Variants in SLC24A2 observed in about 807,000 individuals in gnomAD.
SLC24A2 encodes sodium/potassium/calcium exchanger 2.
In SLC24A2, 36 loss-of-function variants were observed where a neutral mutation model predicts 62.0. That is an observed-to-expected ratio of 0.58 (90% CI 0.44 to 0.77). The LOEUF (loss-of-function observed/expected upper bound fraction) is 0.77. SLC24A2 is among the 30% of genes least tolerant of loss of function. The pLI is 0.00. For missense variants in SLC24A2, 846 were observed against 817.9 expected (o/e 1.03, Z -0.42); for synonymous variants, 358 against 294.0 (o/e 1.22, Z -2.23).
At chr9:19,941,747 G>A in the SLC24A2 span, among the ~76,000 whole-genome samples, 1 of 152,072 alleles carries the variant, frequency 6.6e-6, no homozygotes, top group Admixed American at 6.6e-5. Flanking sequence ...AATTACTAGA[G>A]ATATTGTAAA....
At chr9:19,893,213 A>T in the SLC24A2 span, among the ~76,000 whole-genome samples, 495 of 152,134 alleles carry the variant, frequency 3.3e-3, 2 homozygotes, top group African/African-American at 8.9e-3. Flanking sequence ...AAGATATGAG[A>T]TTGCTTTTAC....
At chr9:19,727,155 T>C (rs1264752123) in intron 2 of SLC24A2, among the ~76,000 whole-genome samples, 1 of 152,172 alleles carries the variant, frequency 6.6e-6, no homozygotes, top group Non-Finnish European at 1.5e-5. Context: ...CCTAGGTTCT[T>C]CCTATCAAGC....
At chr9:19,939,257 T>G in the SLC24A2 span, among the ~76,000 whole-genome samples, 1 of 152,240 alleles carries the variant, frequency 6.6e-6, no homozygotes, top group Admixed American at 6.5e-5. Flanking sequence ...CTTAGGTGAT[T>G]TCATCATTGT....
chr9:19,558,576 C>G (rs1835224347), intron 7 of SLC24A2, among the ~76,000 whole-genome samples: 1 of 152,130 alleles, frequency 6.6e-6, no homozygotes, highest in Admixed American at 6.6e-5. Flanking sequence ...CTGGGGGACA[C>G]TGTAGAAGAT....
chr9:19,885,361 A>T, the SLC24A2 span, among the ~76,000 whole-genome samples: 1 of 152,186 alleles, frequency 6.6e-6, no homozygotes, highest in African/African-American at 2.4e-5. Flanking sequence ...AGAGAGAAAC[A>T]CTAGATGTTC....
the SLC24A2 span, among the ~76,000 whole-genome samples, chr9:20,049,477 T>G: frequency 6.6e-6 from 1 of 152,134 alleles, no homozygotes. Flanking sequence ...CCACAGTCAC[T>G]ATAGTAGGTG....
chr9:20,265,464 G>C, the SLC24A2 span, among the ~76,000 whole-genome samples: 100,449 of 152,112 alleles, frequency 0.66, 35,816 homozygotes, highest in East Asian at 0.96. Context: ...ACTGTAATCT[G>C]TGAACATAAA....
chr9:20,190,827 T>A, the SLC24A2 span, among the ~76,000 whole-genome samples: 1 of 152,224 alleles, frequency 6.6e-6, no homozygotes, highest in Non-Finnish European at 1.5e-5. Context: ...AGTGTTTTCA[T>A]CTTTAAAAAG....
At chr9:19,668,215 A>G (rs1819313117) in intron 2 of SLC24A2, among the ~76,000 whole-genome samples, 1 of 152,112 alleles carries the variant, frequency 6.6e-6, no homozygotes, top group Non-Finnish European at 1.5e-5. Context: ...ATCCCCCAAT[A>G]TATTTTATTT....
chr9:19,859,254 A>G, the SLC24A2 span, among the ~76,000 whole-genome samples: 81 of 152,276 alleles, frequency 5.3e-4, no homozygotes, highest in African/African-American at 1.6e-3. Context: ...GAACAGAAAA[A>G]TAAATACTGA....
chr9:19,815,253 G>C, the SLC24A2 span, among the ~76,000 whole-genome samples: 1 of 151,928 alleles, frequency 6.6e-6, no homozygotes, highest in Non-Finnish European at 1.5e-5. Flanking sequence ...GAGGTCTTTG[G>C]GATTCTCCTG....
chr9:19,552,315 GAAT>G (rs1299809726), intron 7 of SLC24A2, among the ~76,000 whole-genome samples: 2 of 152,138 alleles, frequency 1.3e-5, no homozygotes, highest in Admixed American at 1.3e-4. Flanking sequence ...CTAGCTACGT[GAAT>G]AATCTTTGTG....
intron 8 of SLC24A2, among the ~76,000 whole-genome samples, chr9:19,547,093 C>CT (rs1313335465): frequency 2.0e-5 from 3 of 152,188 alleles, no homozygotes; most frequent in Non-Finnish European, 1.5e-5. Flanking sequence ...GCAACCCTGT[C>CT]TTTATGTCTC....
chr9:19,670,388 A>C (rs1291455503), intron 2 of SLC24A2, among the ~76,000 whole-genome samples: 1 of 152,192 alleles, frequency 6.6e-6, no homozygotes, highest in African/African-American at 2.4e-5. Flanking sequence ...TCTTACAAAA[A>C]TCAACTCTAC....
the SLC24A2 span, among the ~76,000 whole-genome samples, chr9:20,151,581 C>T: frequency 6.6e-6 from 1 of 151,868 alleles, no homozygotes; most frequent in Non-Finnish European, 1.5e-5. Context: ...AAAAGGCATG[C>T]ATCACTCTAC....
chr9:19,750,184 G>A, intron 2 of SLC24A2, among the ~76,000 whole-genome samples: 1 of 152,102 alleles, frequency 6.6e-6, no homozygotes, highest in East Asian at 1.9e-4. Context: ...TTTTAACTGA[G>A]GTCCAGAATA....
chr9:20,211,461 G>A, the SLC24A2 span, among the ~76,000 whole-genome samples: 1 of 152,140 alleles, frequency 6.6e-6, no homozygotes, highest in African/African-American at 2.4e-5. Flanking sequence ...GCCGTGAGCT[G>A]AGATCACACC....
At chr9:20,059,408 C>G in the SLC24A2 span, among the ~76,000 whole-genome samples, 4 of 152,112 alleles carry the variant, frequency 2.6e-5, no homozygotes, top group African/African-American at 9.7e-5. Flanking sequence ...AACCATAAAA[C>G]AAGTCTCCAT....
At chr9:19,545,308 A>AT (rs1834495740) in intron 8 of SLC24A2, among the ~76,000 whole-genome samples, 1 of 151,996 alleles carries the variant, frequency 6.6e-6, no homozygotes, top group African/African-American at 2.4e-5. Context: ...GAAACTGGTT[A>AT]TTCCAGTTAG....
Sources: gnomAD v4.1 joint callset for allele counts (sites outside exome capture counted in the v4.1 genomes callset) on GRCh38, gnomAD v4.1.1 for gene constraint, MANE v1.5 for transcripts, NCBI Gene and HGNC (gene_info 2026-07-23, HGNC 2026-07-21) for gene names.